The following CNTNAP5 variants were observed in gnomAD, a reference collection of about 807,000 sequenced individuals.
The protein encoded by CNTNAP5 is contactin associated protein family member 5.
In CNTNAP5, 72 loss-of-function variants were observed where a neutral mutation model predicts 150.2. The ratio of observed to expected loss-of-function variants is 0.48; its 90% CI spans 0.40 to 0.58. The LOEUF is 0.58. CNTNAP5 is among the 20% of genes least tolerant of loss of function. CNTNAP5 has a pLI of 0.00. For missense variants in CNTNAP5, 1,636 were observed against 1,626.2 expected, an observed-to-expected ratio of 1.01 and a Z score of -0.10; for synonymous variants, 672 against 619.8, an observed-to-expected ratio of 1.08 and a Z score of -1.25.
rs563363916 is a variant in CNTNAP5, at chr2:124,790,774, C to T, written c.2992+633C>T. Among the ~76,000 whole-genome samples, 94 of 152,254 alleles carry T rather than the reference C, an allele frequency of 6.2e-4. 1 individual carries two copies. The highest frequency in any genetic ancestry group is 6.1e-3 in the Admixed American group (94 of 15,292). ...CCTTCACAATCTCCTGAGTTCATTACATTGACACAAATTAATAATCACGGA... is the reference window on the plus strand; with the variant it reads ...CCTTCACAATCTCCTGAGTTCATTATATTGACACAAATTAATAATCACGGA... On this transcript the variant is annotated intron_variant, in intron 18 of 23. Transcript: ENST00000682447.
chr2:124,628,054 T>C (rs1193975757), intron 12 of CNTNAP5, among the ~76,000 whole-genome samples: 1 of 152,242 alleles, frequency 6.6e-6, no homozygotes, highest in East Asian at 1.9e-4. Flanking sequence ...CTCCAAGAAT[T>C]ATGGTGCTAT....
chr2:124,295,543 TC>T (rs752594003), intron 3 of CNTNAP5, among the ~76,000 whole-genome samples: 1 of 152,252 alleles, frequency 6.6e-6, no homozygotes, highest in Non-Finnish European at 1.5e-5. Context: ...TGAGTGTGGA[TC>T]TTCTTCTGTC....
chr2:124,339,754 G>T (rs1250710377), intron 3 of CNTNAP5, among the ~76,000 whole-genome samples: 1 of 152,188 alleles, frequency 6.6e-6, no homozygotes, highest in East Asian at 1.9e-4. Flanking sequence ...TTCCCCAAAG[G>T]CTTGGAAGGT....
rs1261137208 is a variant in CNTNAP5, at chr2:124,180,344, C to T, written c.83-41361C>T. Reference sequence around the variant, plus strand: ...GTGGAAATTTGAAATAGATATTTTGCCCCATCAATTAATTTCTTATTTTTT... The same window carrying T: ...GTGGAAATTTGAAATAGATATTTTGTCCCATCAATTAATTTCTTATTTTTT... On this transcript the variant is annotated intron_variant, in intron 1 of 23. Coordinates refer to ENST00000682447, the MANE Select transcript of CNTNAP5 (RefSeq NM_001367498.1). 8.5e-5 allele frequency among the ~76,000 whole-genome samples: 13 copies of T among 152,116 alleles called. No individual in the cohort carries two copies. The East Asian group carries it at 1.7e-3, about 20-fold the overall frequency.
intron 3 of CNTNAP5, among the ~76,000 whole-genome samples, chr2:124,332,635 A>C (rs1689377670): frequency 6.6e-6 from 1 of 151,838 alleles, no homozygotes; most frequent in Non-Finnish European, 1.5e-5. Flanking sequence ...TAATTTAGTA[A>C]AACTCTAATG....
At chr2:124,148,826 A>C (rs180905215) in intron 1 of CNTNAP5, among the ~76,000 whole-genome samples, 193 of 151,480 alleles carry the variant, frequency 1.3e-3, no homozygotes, top group African/African-American at 4.4e-3. Context: ...TAAACACACA[A>C]ATATACACAC....
intron 3 of CNTNAP5, among the ~76,000 whole-genome samples, chr2:124,281,558 G>GC (rs1047698433): frequency 1.2e-4 from 19 of 152,238 alleles, no homozygotes; most frequent in African/African-American, 4.6e-4. Context: ...GTCTTGTTAT[G>GC]TTTTTACACA....
At chr2:124,667,083 A>T (rs187785080) in intron 13 of CNTNAP5, among the ~76,000 whole-genome samples, 225 of 152,368 alleles carry the variant, frequency 1.5e-3, no homozygotes, top group African/African-American at 5.3e-3. Context: ...TTGATATTAT[A>T]AAGGACTTTA....
chr2:124,912,032 G>T (rs150252699), intron 23 of CNTNAP5, among the ~76,000 whole-genome samples: 1 of 152,192 alleles, frequency 6.6e-6, no homozygotes, highest in East Asian at 1.9e-4. Context: ...TATGGTTACA[G>T]ATGCAGACCT....
chr2:124,507,451 C>A (rs1332199748), intron 8 of CNTNAP5, among the ~76,000 whole-genome samples: 2 of 151,872 alleles, frequency 1.3e-5, no homozygotes, highest in East Asian at 1.9e-4. Flanking sequence ...AAAATGAGAT[C>A]CCATCTCAAA....
At chr2:124,828,529 G>A (rs147235930) in intron 19 of CNTNAP5, among the ~76,000 whole-genome samples, 43 of 151,674 alleles carry the variant, frequency 2.8e-4, no homozygotes, top group African/African-American at 9.2e-4. Flanking sequence ...AAGGATGAAT[G>A]CACAGAATAA....
At chr2:124,299,220 C>G (rs936290077) in intron 3 of CNTNAP5, among the ~76,000 whole-genome samples, 2 of 152,108 alleles carry the variant, frequency 1.3e-5, no homozygotes, top group African/African-American at 4.8e-5. Context: ...TTTTGTGGCT[C>G]CCCCACAGTG....
At chr2:124,768,148 A>T (rs1002678256) in intron 16 of CNTNAP5, among the ~76,000 whole-genome samples, 7 of 152,180 alleles carry the variant, frequency 4.6e-5, no homozygotes, top group African/African-American at 1.7e-4. Flanking sequence ...TCAGGGAGAC[A>T]ATCAATGAGG....
At chr2:124,316,206 C>T (rs536786658) in intron 3 of CNTNAP5, among the ~76,000 whole-genome samples, 1 of 152,166 alleles carries the variant, frequency 6.6e-6, no homozygotes, top group Non-Finnish European at 1.5e-5. Context: ...ACCATGCCTG[C>T]AGACCACACT....
intron 1 of CNTNAP5, among the ~76,000 whole-genome samples, chr2:124,158,169 A>G (rs981050370): frequency 6.6e-6 from 1 of 152,138 alleles, no homozygotes; most frequent in Non-Finnish European, 1.5e-5. Context: ...TAAGCCAGTC[A>G]ATTTGGCCTT....
rs961023906 is a variant in CNTNAP5 at position 124,916,385 on chromosome 2, A to G, written c.*2097A>G. Among the ~76,000 whole-genome samples, 1 of 151,892 alleles carries G rather than the reference A, an allele frequency of 6.6e-6. No individual in the cohort carries two copies. The highest frequency in any genetic ancestry group is 6.6e-5 in the Admixed American group (1 of 15,228). ...TTCAATTTTCATTTTTGAATTTTCT[A>G]TTTCCATAAAAAGGCTATATAAATC... On this transcript the variant is annotated 3_prime_UTR_variant, in exon 24 of 24. Transcript: ENST00000682447.
At chr2:124,567,443 C>G (rs78265821) in intron 11 of CNTNAP5, among the ~76,000 whole-genome samples, 3,647 of 152,284 alleles carry the variant, frequency 0.024, 162 homozygotes, top group African/African-American at 0.083. Flanking sequence ...TCTGTCCAAT[C>G]TGTGGCAGCT....
intron 6 of CNTNAP5, among the ~76,000 whole-genome samples, chr2:124,448,919 C>G (rs1011017980): frequency 1.3e-5 from 2 of 152,208 alleles, no homozygotes; most frequent in African/African-American, 4.8e-5. Flanking sequence ...GATACACAGT[C>G]ATGGCACACC....
At chr2:124,067,427 T>C (rs1682188641) in intron 1 of CNTNAP5, among the ~76,000 whole-genome samples, 1 of 152,160 alleles carries the variant, frequency 6.6e-6, no homozygotes, top group Non-Finnish European at 1.5e-5. Context: ...AATCCCTGCC[T>C]CTATGGCTAC....
Sources: gnomAD v4.1 joint callset for allele counts (sites outside exome capture counted in the v4.1 genomes callset) on GRCh38, gnomAD v4.1.1 for gene constraint, MANE v1.5 for transcripts, NCBI Gene and HGNC (gene_info 2026-07-23, HGNC 2026-07-21) for gene names.